The following OSBPL8 variants were observed in gnomAD, a reference collection of about 807,000 sequenced individuals.
OSBPL8 encodes the protein oxysterol binding protein like 8.
Under a neutral mutation model 125.5 loss-of-function variants are expected in OSBPL8, and 59 were observed. That is an observed-to-expected ratio of 0.47 (90% CI 0.38 to 0.58). The LOEUF (loss-of-function observed/expected upper bound fraction) is 0.58. Among genes scored for constraint, OSBPL8 ranks in the 20% least tolerant of loss-of-function variants. OSBPL8 has a pLI of 0.00. For missense variants in OSBPL8, 758 were observed against 1,047.8 expected, an observed-to-expected ratio of 0.72 and a Z score of 3.82; for synonymous variants, 330 against 338.9, an observed-to-expected ratio of 0.97 and a Z score of 0.29.
intron 2 of OSBPL8, among the ~76,000 whole-genome samples, chr12:76,479,270 T>G (rs1043355932): frequency 4.6e-5 from 7 of 152,228 alleles, no homozygotes; most frequent in Admixed American, 1.3e-4. Context: ...ATCATCCATG[T>G]GATCATTACG....
intron 2 of OSBPL8, among the ~76,000 whole-genome samples, chr12:76,469,541 T>C (rs1378497265): frequency 1.3e-5 from 2 of 152,174 alleles, no homozygotes; most frequent in South Asian, 2.1e-4. Context: ...GCTTACAGAC[T>C]AACCACCGTC....
In OSBPL8 at chr12:76,450,942, C is replaced by A. The variant is rs1873327095; in HGVS notation, c.126G>T (p.Lys42Asn). The part of the protein sequence containing the change: ...SDESQLLTPG[K>N]MSQRQGKEAY... ...CTTCTTTTCCTTGGCGCTGACTCAT[C>A]TTTCCTGGTGTCAGAAGCTGAGATT... is the stretch of plus-strand genomic sequence containing the variant. The change falls in exon 4 of 24, where the codon AAG becomes AAT. Residue 42 changes from lysine (K) to asparagine (N), a missense_variant. By Grantham distance (94) the Lys-to-Asn change is moderately conservative. Coordinates refer to ENST00000261183, the MANE Select transcript of OSBPL8 (RefSeq NM_020841.5). The A allele has an allele frequency of 6.2e-7, 1 of 1,613,814 alleles. No homozygotes were observed. The highest frequency in any genetic ancestry group is 8.5e-7 in the Non-Finnish European group (1 of 1,179,940).
Position 76,388,896 on chromosome 12 carries a change from C to T in OSBPL8, c.1352+749G>A, listed in dbSNP as rs139085966. 6.0e-3 allele frequency among the ~76,000 whole-genome samples: 918 copies of T among 151,910 alleles called. 11 individuals carry two copies. The highest frequency in any genetic ancestry group is 0.021 in the African/African-American group (875 of 41,416). On this transcript the variant is annotated intron_variant, in intron 12 of 23. Coordinates refer to ENST00000261183, the MANE Select transcript of OSBPL8 (RefSeq NM_020841.5). The stretch of plus-strand genomic sequence containing the variant: ...GCTCATGCCATTTATAGACAAAAAC[C>T]GAAAATAAGTCTTGATAAAGATTCT...
In OSBPL8 at chr12:76,354,910, G is replaced by C. The variant is rs536010338; in HGVS notation, c.*979C>G. 3.3e-5 allele frequency: 5 copies of C among 151,926 alleles called. No individual in the cohort carries two copies. The highest frequency in any genetic ancestry group is 3.9e-4 in the East Asian group (2 of 5,182). The allele number at this position is 151,926 out of a possible 1,614,324, so 9.4% of individuals were successfully genotyped here. A position where few individuals can be genotyped will look rare whatever the true frequency, so the allele number is the denominator to read the frequency against. On this transcript the variant is annotated 3_prime_UTR_variant, in exon 24 of 24. Coordinates refer to ENST00000261183, the MANE Select transcript of OSBPL8 (RefSeq NM_020841.5). ...TGTCTTTTCTTATTGCCTCTTTTTG[G>C]CTTTTGAAGTAAAATACTGGTTATA...
intron 1 of OSBPL8, among the ~76,000 whole-genome samples, chr12:76,528,097 C>T (rs375045366): frequency 9.2e-5 from 14 of 151,980 alleles, no homozygotes; most frequent in South Asian, 4.1e-4. Context: ...CCGAGGTGGG[C>T]GGATCACGAG....
At chr12:76,488,650 C>G (rs1033374079) in intron 1 of OSBPL8, among the ~76,000 whole-genome samples, 2 of 152,102 alleles carry the variant, frequency 1.3e-5, no homozygotes, top group African/African-American at 2.4e-5. Context: ...CAAACTGCAG[C>G]CATATAAAAC....
intron 3 of OSBPL8, among the ~76,000 whole-genome samples, chr12:76,458,636 G>A (rs4471487): frequency 0.22 from 32,555 of 151,088 alleles, 3,715 homozygotes; most frequent in Non-Finnish European, 0.26. Flanking sequence ...ATGAGTTATG[G>A]TCGTGCTACT....
chr12:76,430,890 T>C (rs773014051), intron 4 of OSBPL8, among the ~76,000 whole-genome samples: 1 of 152,118 alleles, frequency 6.6e-6, no homozygotes, highest in Non-Finnish European at 1.5e-5. Flanking sequence ...CAAGTTAGAA[T>C]GAGAAGATGC....
intron 1 of OSBPL8, among the ~76,000 whole-genome samples, chr12:76,558,407 A>G (rs1157757192): frequency 6.6e-6 from 1 of 152,230 alleles, no homozygotes; most frequent in Non-Finnish European, 1.5e-5. Context: ...GAAGGGAGGC[A>G]AAAACTGTTT....
chr12:76,449,686 C>T (rs556331989), intron 4 of OSBPL8, among the ~76,000 whole-genome samples: 67 of 152,258 alleles, frequency 4.4e-4, no homozygotes, highest in Non-Finnish European at 5.7e-4. Flanking sequence ...GAATGAGAAG[C>T]ATACATAAAG....
At chr12:76,467,755 C>A (rs1404743202) in intron 2 of OSBPL8, among the ~76,000 whole-genome samples, 1 of 152,084 alleles carries the variant, frequency 6.6e-6, no homozygotes, top group Non-Finnish European at 1.5e-5. Flanking sequence ...GATGTCCCTG[C>A]ATGCAGTCTC....
chr12:76,491,401 TG>T (rs1326320379), intron 1 of OSBPL8, among the ~76,000 whole-genome samples: 7 of 152,146 alleles, frequency 4.6e-5, no homozygotes, highest in African/African-American at 1.7e-4. Context: ...ATCATTTTCT[TG>T]GAGTTTCAAA....
chr12:76,386,459 A>G, intron 13 of OSBPL8, 120 bp downstream of exon 13: 1 of 1,291,460 alleles, frequency 7.7e-7, no homozygotes, highest in Non-Finnish European at 1.0e-6. Flanking sequence ...GGTATTTTGC[A>G]ATTTTGCTAC....
Position 76,389,666 on chromosome 12 carries a change from T to C in OSBPL8, c.1331A>G (p.Tyr444Cys), listed in dbSNP as rs548125644. ...SFLDKLSDYY[Y>C]HADFLSEAAL... ...TTACTCAGATAGGAAATCTGCATGA[T>C]AGTAGTAATCTGAAAGTTTATCCAG... The change falls in exon 12 of 24, where the codon TAT becomes TGT. Residue 444 changes from tyrosine to cysteine, a missense_variant. By Grantham distance (194) the Tyr-to-Cys change is radical (BLOSUM62 -2). Transcript: ENST00000261183. The C allele has an allele frequency of 4.1e-5, 66 of 1,590,368 alleles. No homozygotes were observed. The highest frequency in any genetic ancestry group is 5.4e-5 in the Admixed American group (3 of 56,014).
intron 4 of OSBPL8, among the ~76,000 whole-genome samples, chr12:76,420,468 T>C (rs1869327963): frequency 6.6e-6 from 1 of 152,096 alleles, no homozygotes; most frequent in South Asian, 2.1e-4. Flanking sequence ...ATGACATCAC[T>C]ATGGGTACAG....
intron 8 of OSBPL8, among the ~76,000 whole-genome samples, chr12:76,395,187 T>C (rs750387410): frequency 6.6e-6 from 1 of 152,184 alleles, no homozygotes; most frequent in Non-Finnish European, 1.5e-5. Context: ...ACCAATGACA[T>C]ACACCTGTTT....
At chr12:76,519,443 C>T (rs1284569605) in intron 1 of OSBPL8, among the ~76,000 whole-genome samples, 2 of 152,178 alleles carry the variant, frequency 1.3e-5, no homozygotes, top group African/African-American at 4.8e-5. Context: ...CCCCCGTCTT[C>T]CTGTCTTCTT....
chr12:76,495,592 T>C (rs1483982755), intron 1 of OSBPL8, among the ~76,000 whole-genome samples: 1 of 152,134 alleles, frequency 6.6e-6, no homozygotes, highest in Non-Finnish European at 1.5e-5. Flanking sequence ...TGATACTATG[T>C]CTCTATTCTC....
At chr12:76,520,726 G>A (rs979732409) in intron 1 of OSBPL8, among the ~76,000 whole-genome samples, 2 of 152,060 alleles carry the variant, frequency 1.3e-5, no homozygotes, top group Admixed American at 1.3e-4. Flanking sequence ...ATGAGATGAT[G>A]GGGAAAGAAA....
Sources: gnomAD v4.1 joint callset for allele counts (sites outside exome capture counted in the v4.1 genomes callset) on GRCh38, gnomAD v4.1.1 for gene constraint, MANE v1.5 for transcripts, NCBI Gene and HGNC (gene_info 2026-07-23, HGNC 2026-07-21) for gene names.